CSMD3: variants seen among roughly 807,000 people sequenced by gnomAD.
CSMD3 encodes CUB and sushi domain-containing protein 3.
In CSMD3, 177 loss-of-function variants were observed where a neutral mutation model predicts 435.2. That is an observed-to-expected ratio of 0.41 (90% CI 0.36 to 0.46). The LOEUF is 0.46. Among genes scored for constraint, CSMD3 ranks in the 20% least tolerant of loss-of-function variants. CSMD3 has a pLI of 0.34. For synonymous variants in CSMD3, 1,656 were observed against 1,520.5 expected (o/e 1.09, Z -2.07); for missense variants, 4,265 against 4,504.6 (o/e 0.95, Z 1.52).
chr8:112,899,638 T>TATATATAC (rs1309592432), intron 10 of CSMD3, among the ~76,000 whole-genome samples: 47 of 118,452 alleles, frequency 4.0e-4, no homozygotes, highest in African/African-American at 1.4e-3. Context: ...TATATGTATA[T>TATATATAC]ACATATATGT....
intron 35 of CSMD3, among the ~76,000 whole-genome samples, chr8:112,405,196 A>AAAC (rs1166921081): frequency 6.0e-4 from 22 of 36,878 alleles, no homozygotes; most frequent in African/African-American, 2.3e-3. Flanking sequence ...AAAAAAAAAA[A>AAAC]AAAAAAAAAA....
At chr8:113,050,055 G>A (rs549025309) in intron 5 of CSMD3, among the ~76,000 whole-genome samples, 7 of 151,928 alleles carry the variant, frequency 4.6e-5, no homozygotes, top group African/African-American at 1.7e-4. Context: ...TAAAAACATT[G>A]TTGCTTCATT....
chr8:113,413,431 TAAAG>T (rs1288296916), intron 1 of CSMD3, among the ~76,000 whole-genome samples: 3 of 152,060 alleles, frequency 2.0e-5, no homozygotes, highest in Non-Finnish European at 4.4e-5. Context: ...AACTGCAGCA[TAAAG>T]AAAGTCAAGG....
intron 32 of CSMD3, among the ~76,000 whole-genome samples, chr8:112,438,781 T>A (rs2130477414): frequency 6.6e-6 from 1 of 152,332 alleles, no homozygotes; most frequent in African/African-American, 2.4e-5. Flanking sequence ...AGTTAGCATT[T>A]GGTTAAATAA....
At chr8:113,409,632 C>G (rs2094549100) in intron 1 of CSMD3, among the ~76,000 whole-genome samples, 1 of 152,162 alleles carries the variant, frequency 6.6e-6, no homozygotes, top group Non-Finnish European at 1.5e-5. Context: ...TCATTACACT[C>G]TTAATTCTCA....
intron 1 of CSMD3, among the ~76,000 whole-genome samples, chr8:113,388,137 A>G (rs1347988240): frequency 6.6e-6 from 1 of 151,730 alleles, no homozygotes; most frequent in Non-Finnish European, 1.5e-5. Flanking sequence ...ATGCTAAGGT[A>G]TATAGGTAAC....
At chr8:113,223,172 TAATA>T (rs1490672544) in intron 3 of CSMD3, among the ~76,000 whole-genome samples, 1 of 150,728 alleles carries the variant, frequency 6.6e-6, no homozygotes, top group African/African-American at 2.4e-5. Context: ...TTGAATGAAT[TAATA>T]TTTACTCAAA....
chr8:113,362,194 TTC>T (rs1393679247), intron 1 of CSMD3, among the ~76,000 whole-genome samples: 26 of 152,306 alleles, frequency 1.7e-4, no homozygotes, highest in African/African-American at 6.0e-4. Flanking sequence ...GTGTTAGAAA[TTC>T]TGTTAGGTTT....
At chr8:112,232,879 C>G (rs1813227779) in intron 68 of CSMD3, among the ~76,000 whole-genome samples, 1 of 152,144 alleles carries the variant, frequency 6.6e-6, no homozygotes, top group South Asian at 2.1e-4. Flanking sequence ...CTTTCAGACT[C>G]TGCCCCAAAA....
intron 7 of CSMD3, 36 bp downstream of exon 7, chr8:112,975,801 T>C (rs773400673): frequency 7.4e-6 from 12 of 1,611,738 alleles, no homozygotes; most frequent in Non-Finnish European, 9.3e-6. Context: ...GCTTTGGCTG[T>C]AACTAAATGG....
In CSMD3 at chr8:112,933,298, C is replaced by T. The variant is rs144060163; in HGVS notation, c.1509-11547G>A. On this transcript the variant is annotated intron_variant, in intron 9 of 70. Transcript: ENST00000297405. ...CTCTAAAAGAAAATTAAGCCCCAAG[C>T]GTTCTATAATGGTATGAAATAGAAT... Among the ~76,000 whole-genome samples, 1,181 of 152,174 alleles carry T rather than the reference C, an allele frequency of 7.8e-3. 52 individuals carry two copies. Among genetic ancestry groups the T allele is most frequent in the Admixed American group, 0.07 (1,065 of 15,284 alleles).
At chr8:112,748,055 A>G (rs2077481750) in intron 13 of CSMD3, among the ~76,000 whole-genome samples, 1 of 151,986 alleles carries the variant, frequency 6.6e-6, no homozygotes, top group South Asian at 2.1e-4. Context: ...ACTGCTGACA[A>G]CAGGAAAAGA....
intron 9 of CSMD3, among the ~76,000 whole-genome samples, chr8:112,944,909 A>AT (rs1045929409): frequency 1.3e-5 from 2 of 151,590 alleles, no homozygotes; most frequent in Non-Finnish European, 3.0e-5. Flanking sequence ...TCTACACATA[A>AT]TTTTTTAAAG....
intron 13 of CSMD3, among the ~76,000 whole-genome samples, chr8:112,718,482 C>T (rs548320828): frequency 6.7e-6 from 1 of 149,646 alleles, no homozygotes; most frequent in Non-Finnish European, 1.5e-5. Context: ...ATGAACAATT[C>T]CTGTTCTAAT....
Position 112,685,403 on chromosome 8 carries a change from T to TA in CSMD3, c.2482+2dup, listed in dbSNP as rs761378114. 1.1e-5 allele frequency: 17 copies of TA among 1,610,948 alleles called. No individual in the cohort carries two copies. Among genetic ancestry groups the TA allele is most frequent in the Non-Finnish European group, 1.4e-5 (17 of 1,177,372 alleles). The stretch of plus-strand genomic sequence containing the variant: ...TGGGAAAAAAACAGAAACAGAAACT[T>TA]ACTGTTGTAAGTGATGTTAAAGCCA... On this transcript the variant is annotated splice_region_variant and intron_variant, in intron 15 of 70. Coordinates refer to ENST00000297405, the MANE Select transcript of CSMD3 (RefSeq NM_198123.2).
intron 38 of CSMD3, among the ~76,000 whole-genome samples, chr8:112,366,341 T>A (rs1034852710): frequency 3.3e-5 from 5 of 152,248 alleles, no homozygotes; most frequent in Non-Finnish European, 7.4e-5. Flanking sequence ...ATTCCTCTCA[T>A]CAAACAAGGG....
intron 45 of CSMD3, among the ~76,000 whole-genome samples, chr8:112,328,119 T>A (rs1286038161): frequency 1.3e-5 from 2 of 152,188 alleles, no homozygotes; most frequent in Non-Finnish European, 2.9e-5. Flanking sequence ...CCTTATAAAC[T>A]CTAAGCTCTA....
rs1277884675 is a variant in CSMD3, at chr8:112,897,694, C to CTCTGTGTGTGTGTG, written c.1633+23932_1633+23933insCACACACACACAGA. 4.4e-5 allele frequency among the ~76,000 whole-genome samples: 4 copies of CTCTGTGTGTGTGTG among 90,964 alleles called. 1 individual carries two copies. The highest frequency in any genetic ancestry group is 4.0e-4 in the Admixed American group (3 of 7,464). 59.7% of individuals were successfully genotyped at this position (90,964 alleles called of 152,430 possible). On this transcript the variant is annotated intron_variant, in intron 10 of 70. Transcript: ENST00000297405. ...TCTCTCTCTCTCTCTCTCTCTCTCT[C>CTCTGTGTGTGTGTG]TGTGTGTGTGTGTGTGTGTGTGTGT...
chr8:112,947,052 A>G (rs551577994), intron 9 of CSMD3, among the ~76,000 whole-genome samples: 29 of 151,704 alleles, frequency 1.9e-4, no homozygotes, highest in Admixed American at 3.3e-4. Context: ...TAATTGAAAA[A>G]TAAAATTTAC....
Sources: allele counts gnomAD v4.1 joint callset (sites outside exome capture counted in the v4.1 genomes callset), GRCh38; gene constraint gnomAD v4.1.1; transcripts MANE v1.5; gene names NCBI Gene and HGNC (gene_info 2026-07-23, HGNC 2026-07-21).